Variants in GSDMC observed in about 807,000 individuals in gnomAD.
GSDMC encodes the protein gasdermin-C.
In GSDMC, 59 loss-of-function variants were observed where a neutral mutation model predicts 58.0. That is an observed-to-expected ratio of 1.02 (90% CI 0.82 to 1.26). The LOEUF (loss-of-function observed/expected upper bound fraction) is 1.26, where lower values mean the gene tolerates loss of function less well. Among genes scored for constraint, GSDMC ranks in the 50% most tolerant of loss-of-function variants. The pLI is 0.00. For synonymous variants in GSDMC, 241 were observed against 220.2 expected (o/e 1.09, Z -0.83); for missense variants, 659 against 598.5 (o/e 1.10, Z -1.06).
intron 3 of GSDMC, among the ~76,000 whole-genome samples, chr8:129,771,491 CA>C (rs1241231838): frequency 6.6e-6 from 1 of 151,964 alleles, no homozygotes; most frequent in African/African-American, 2.4e-5. Context: ...AACAATGGCA[CA>C]AAACTAGAAA....
At chr8:129,718,268 C>A in the GSDMC span, among the ~76,000 whole-genome samples, 2 of 152,134 alleles carry the variant, frequency 1.3e-5, no homozygotes, top group Admixed American at 1.3e-4. Flanking sequence ...TTTTTGCAAT[C>A]TATCCATCTG....
chr8:129,719,710 T>C, the GSDMC span, among the ~76,000 whole-genome samples: 1 of 152,174 alleles, frequency 6.6e-6, no homozygotes, highest in Non-Finnish European at 1.5e-5. Context: ...TTTGGGAGGC[T>C]GAGGCAGGCA....
At chr8:129,779,194 G>C (rs1354605011) in intron 1 of GSDMC, among the ~76,000 whole-genome samples, 1 of 152,048 alleles carries the variant, frequency 6.6e-6, no homozygotes, top group Non-Finnish European at 1.5e-5. Context: ...CAATAGCAAA[G>C]ACATGGAATA....
At chr8:129,719,751 C>T in the GSDMC span, among the ~76,000 whole-genome samples, 1 of 152,076 alleles carries the variant, frequency 6.6e-6, no homozygotes, top group Non-Finnish European at 1.5e-5. Context: ...TTGAGACAAG[C>T]CTGGCCAACA....
chr8:129,781,596 T>A (rs1480797314), intron 1 of GSDMC, among the ~76,000 whole-genome samples: 2 of 151,852 alleles, frequency 1.3e-5, no homozygotes, highest in Admixed American at 1.3e-4. Context: ...CACAAAAAAA[T>A]TAGCCAGGCG....
chr8:129,747,307 A>T (rs1415154056), downstream of GSDMC, among the ~76,000 whole-genome samples: 1 of 152,036 alleles, frequency 6.6e-6, no homozygotes, highest in Non-Finnish European at 1.5e-5. Flanking sequence ...GCCATGAGGG[A>T]TACGGTTACA....
At chr8:129,750,932 G>A (rs1054108862) in intron 10 of GSDMC, among the ~76,000 whole-genome samples, 1 of 152,156 alleles carries the variant, frequency 6.6e-6, no homozygotes, top group Non-Finnish European at 1.5e-5. Context: ...TAGATGCTCT[G>A]GAATCAGTTT....
At chr8:129,741,915 A>AAT in the GSDMC span, among the ~76,000 whole-genome samples, 9,627 of 126,146 alleles carry the variant, frequency 0.076, 669 homozygotes, top group East Asian at 0.29. Context: ...AAGAAAATGT[A>AAT]ATATATATAT....
the GSDMC span, among the ~76,000 whole-genome samples, chr8:129,733,841 A>C: frequency 6.6e-6 from 1 of 152,248 alleles, no homozygotes; most frequent in South Asian, 2.1e-4. Flanking sequence ...ACCTGACAGA[A>C]GTAGACTTCA....
chr8:129,713,477 T>G, the GSDMC span, among the ~76,000 whole-genome samples: 1 of 152,178 alleles, frequency 6.6e-6, no homozygotes, highest in Non-Finnish European at 1.5e-5. Context: ...TTTGCCATTA[T>G]GAAACCCCAA....
At chr8:129,736,788 A>G in the GSDMC span, among the ~76,000 whole-genome samples, 1 of 151,436 alleles carries the variant, frequency 6.6e-6, no homozygotes, top group Non-Finnish European at 1.5e-5. Flanking sequence ...AGTTCTGGCC[A>G]GGGCAATCAG....
chr8:129,741,941 T>A, the GSDMC span, among the ~76,000 whole-genome samples: 1 of 147,020 alleles, frequency 6.8e-6, no homozygotes, highest in African/African-American at 2.5e-5. Flanking sequence ...TATATATACA[T>A]GAAATAATAT....
At chr8:129,737,851 A>T in the GSDMC span, among the ~76,000 whole-genome samples, 1 of 152,254 alleles carries the variant, frequency 6.6e-6, no homozygotes, top group Admixed American at 6.5e-5. Flanking sequence ...ACAGCAAAAG[A>T]AGCTACCATC....
At chr8:129,772,386 C>T (rs1407044011) in intron 3 of GSDMC, among the ~76,000 whole-genome samples, 1 of 151,088 alleles carries the variant, frequency 6.6e-6, no homozygotes, top group African/African-American at 2.4e-5. Flanking sequence ...AAACCCTTAG[C>T]TAGACAAACC....
chr8:129,731,636 CT>C, the GSDMC span, among the ~76,000 whole-genome samples: 2 of 152,256 alleles, frequency 1.3e-5, no homozygotes, highest in African/African-American at 4.8e-5. Context: ...AGAGGACAGT[CT>C]TTTTTCTCTT....
At chr8:129,734,344 G>A in the GSDMC span, among the ~76,000 whole-genome samples, 3 of 152,058 alleles carry the variant, frequency 2.0e-5, no homozygotes, top group Admixed American at 1.3e-4. Flanking sequence ...GATACTCCTC[G>A]AGAAGAGCAA....
the GSDMC span, among the ~76,000 whole-genome samples, chr8:129,735,901 A>C: frequency 1.3e-5 from 2 of 152,192 alleles, no homozygotes; most frequent in African/African-American, 2.4e-5. Flanking sequence ...AAACTGATAG[A>C]CCGCTAGCAA....
At chr8:129,779,479 G>C (rs1466943680) in intron 1 of GSDMC, among the ~76,000 whole-genome samples, 2 of 152,054 alleles carry the variant, frequency 1.3e-5, no homozygotes, top group Non-Finnish European at 2.9e-5. Context: ...GTGGGAGGAG[G>C]GAGATGATCA....
At chr8:129,729,642 A>C in the GSDMC span, 1 of 347,506 alleles carries the variant, frequency 2.9e-6, no homozygotes, top group Non-Finnish European at 5.2e-6. Context: ...ACATGAACTC[A>C]TCCTTTTTTA....
Sources: allele counts gnomAD v4.1 joint callset (sites outside exome capture counted in the v4.1 genomes callset), GRCh38; gene constraint gnomAD v4.1.1; transcripts MANE v1.5; gene names NCBI Gene and HGNC (gene_info 2026-07-23, HGNC 2026-07-21).